RSPO3: variants seen among roughly 807,000 people sequenced by gnomAD.
RSPO3 encodes the protein R-spondin 3.
RSPO3 carries 17 observed loss-of-function variants against 36.5 expected under a neutral mutation model. The observed-to-expected ratio is 0.47, with a 90% CI of 0.32 to 0.70. The LOEUF (loss-of-function observed/expected upper bound fraction) is 0.70, where lower values mean the gene tolerates loss of function less well. RSPO3 is among the 30% of genes least tolerant of loss of function. The pLI is 0.04. For synonymous variants in RSPO3, 108 were observed against 107.0 expected, an observed-to-expected ratio of 1.01 and a Z score of -0.06; for missense variants, 294 against 322.5, an observed-to-expected ratio of 0.91 and a Z score of 0.68.
chr6:127,165,360 A>C (rs1774803799), intron 4 of RSPO3, among the ~76,000 whole-genome samples: 1 of 152,110 alleles, frequency 6.6e-6, no homozygotes, highest in South Asian at 2.1e-4. Context: ...TAATAAGTAC[A>C]ATTGTAAACA....
chr6:127,125,399 C>A (rs576863320), intron 1 of RSPO3, among the ~76,000 whole-genome samples: 3 of 152,288 alleles, frequency 2.0e-5, no homozygotes, highest in Admixed American at 1.3e-4. Context: ...GACCTGGGTT[C>A]CAGATCCAGC....
chr6:127,189,016 C>T (rs1284401195), intron 4 of RSPO3, among the ~76,000 whole-genome samples: 2 of 152,118 alleles, frequency 1.3e-5, no homozygotes, highest in African/African-American at 4.8e-5. Flanking sequence ...TTGAATAGAG[C>T]TTCTAGGCAC....
At chr6:127,175,821 C>G (rs938272627) in intron 4 of RSPO3, among the ~76,000 whole-genome samples, 1 of 151,618 alleles carries the variant, frequency 6.6e-6, no homozygotes, top group Non-Finnish European at 1.5e-5. Flanking sequence ...TTCTTAAAGA[C>G]TGGATTATTT....
chr6:127,134,137 A>C (rs1333368619), intron 1 of RSPO3, among the ~76,000 whole-genome samples: 1 of 152,168 alleles, frequency 6.6e-6, no homozygotes, highest in African/African-American at 2.4e-5. Flanking sequence ...AGGAAGGTGG[A>C]AGGAAGATTA....
At chr6:127,181,917 A>G (rs1377868967) in intron 4 of RSPO3, among the ~76,000 whole-genome samples, 7 of 151,888 alleles carry the variant, frequency 4.6e-5, no homozygotes, top group Admixed American at 4.6e-4. Context: ...TCATTCAAAA[A>G]AAGAGGTTTA....
intron 4 of RSPO3, among the ~76,000 whole-genome samples, chr6:127,159,314 A>G (rs1375272636): frequency 6.6e-6 from 1 of 152,184 alleles, no homozygotes; most frequent in Non-Finnish European, 1.5e-5. Flanking sequence ...TAGTTTTACA[A>G]AAAAGATTCT....
At chr6:127,139,952 C>A (rs774271251) in intron 1 of RSPO3, among the ~76,000 whole-genome samples, 21 of 152,016 alleles carry the variant, frequency 1.4e-4, no homozygotes, top group Non-Finnish European at 2.8e-4. Context: ...AAAAAAAACA[C>A]CTCTTTATTT....
At chr6:127,167,103 A>G (rs974644776) in intron 4 of RSPO3, among the ~76,000 whole-genome samples, 11 of 152,050 alleles carry the variant, frequency 7.2e-5, no homozygotes, top group African/African-American at 2.6e-4. Context: ...TATTACTGAT[A>G]TACTTGAATT....
intron 1 of RSPO3, chr6:127,120,103 A>T (rs991917391): frequency 2.7e-4 from 41 of 152,264 alleles, no homozygotes; most frequent in African/African-American, 9.4e-4. Flanking sequence ...GCTGCCCTTA[A>T]TGCTGTTATT....
At chr6:127,147,184 G>A (rs1161543980) in intron 1 of RSPO3, among the ~76,000 whole-genome samples, 2 of 152,144 alleles carry the variant, frequency 1.3e-5, no homozygotes, top group Non-Finnish European at 2.9e-5. Flanking sequence ...CCTACAGGCA[G>A]AGGATGCTGG....
chr6:127,176,435 TTTTA>T (rs1347897699), intron 4 of RSPO3, among the ~76,000 whole-genome samples: 1 of 151,764 alleles, frequency 6.6e-6, no homozygotes, highest in African/African-American at 2.4e-5. Flanking sequence ...GTTATTTCCT[TTTTA>T]TTTATTTATT....
In RSPO3 at chr6:127,166,534, G is replaced by C. The variant is rs1401957672; in HGVS notation, c.634+11096G>C. ...CCCATTTTTCCTCATCTGTACAATG[G>C]GGATGATAACACTAACTACATTACA... is the stretch of plus-strand genomic sequence containing the variant. On this transcript the variant is annotated intron_variant, in intron 4 of 4. Coordinates refer to ENST00000356698, the MANE Select transcript of RSPO3 (RefSeq NM_032784.5). Among the ~76,000 whole-genome samples the C allele has an allele frequency of 2.6e-5, 4 of 151,898 alleles. No homozygotes were observed. In the South Asian group the frequency reaches 8.3e-4, roughly 31 times the overall value.
At chr6:127,182,219 A>G (rs530254584) in intron 4 of RSPO3, among the ~76,000 whole-genome samples, 1 of 152,008 alleles carries the variant, frequency 6.6e-6, no homozygotes, top group Admixed American at 6.6e-5. Flanking sequence ...GACCCACTCC[A>G]ATGACTCCCA....
chr6:127,167,784 C>T (rs1030998519), intron 4 of RSPO3, among the ~76,000 whole-genome samples: 1 of 151,888 alleles, frequency 6.6e-6, no homozygotes, highest in Non-Finnish European at 1.5e-5. Flanking sequence ...CAACAGGCCC[C>T]GGTGTGTGAT....
At chr6:127,138,107 C>A (rs912479570) in intron 1 of RSPO3, among the ~76,000 whole-genome samples, 3 of 152,132 alleles carry the variant, frequency 2.0e-5, no homozygotes, top group African/African-American at 7.2e-5. Flanking sequence ...ACTTCCAAAT[C>A]AAAATATTTG....
rs143881025 is a variant in RSPO3, at chr6:127,157,285, C to T, written c.634+1847C>T. Reference sequence around the variant, plus strand: ...TATCATTCTTTTCACAAAGATTGTACGTTATTAATCAGTATTCAGTACACA... The same window carrying T: ...TATCATTCTTTTCACAAAGATTGTATGTTATTAATCAGTATTCAGTACACA... On this transcript the variant is annotated intron_variant, in intron 4 of 4. Transcript: ENST00000356698. 7.3e-3 allele frequency among the ~76,000 whole-genome samples: 1,115 copies of T among 152,004 alleles called. 5 individuals are homozygous for T. The highest frequency in any genetic ancestry group is 0.011 in the Non-Finnish European group (730 of 67,916).
intron 1 of RSPO3, 74 bp downstream of exon 1, chr6:127,119,363 G>A: frequency 9.1e-7 from 1 of 1,104,440 alleles, no homozygotes; most frequent in Non-Finnish European, 1.4e-6. Flanking sequence ...CCTGTCCGGA[G>A]CCGGCTCCCA....
At chr6:127,174,540 CTTTTA>C (rs1227003926) in intron 4 of RSPO3, among the ~76,000 whole-genome samples, 4 of 151,722 alleles carry the variant, frequency 2.6e-5, no homozygotes, top group Non-Finnish European at 5.9e-5. Context: ...TCTGTGCTAG[CTTTTA>C]TTTTGTTACC....
intron 4 of RSPO3, among the ~76,000 whole-genome samples, chr6:127,167,131 C>T (rs1420032458): frequency 6.6e-6 from 1 of 151,552 alleles, no homozygotes; most frequent in African/African-American, 2.4e-5. Flanking sequence ...TTTTTTCCCT[C>T]AACTTTTATT....
Sources: allele counts gnomAD v4.1 joint callset (sites outside exome capture counted in the v4.1 genomes callset), GRCh38; gene constraint gnomAD v4.1.1; transcripts MANE v1.5; gene names NCBI Gene and HGNC (gene_info 2026-07-23, HGNC 2026-07-21).